NPFFR2: variants seen among roughly 807,000 people sequenced by gnomAD.
The protein encoded by NPFFR2 is neuropeptide FF receptor 2, also known as G-protein coupled receptor 74.
A neutral mutation model predicts 13.1 loss-of-function variants in NPFFR2; 15 were observed. The observed-to-expected ratio is 1.15, with a 90% CI of 0.77 to 1.76. The LOEUF (loss-of-function observed/expected upper bound fraction) is 1.76. NPFFR2 is among the 40% of genes most tolerant of loss of function. The pLI is 0.00. For missense variants in NPFFR2, 572 were observed against 503.5 expected (o/e 1.14, Z -1.30); for synonymous variants, 190 against 175.7 (o/e 1.08, Z -0.65).
chr4:72,085,822 G>C (rs1323620060), intron 1 of NPFFR2, among the ~76,000 whole-genome samples: 1 of 152,010 alleles, frequency 6.6e-6, no homozygotes, highest in Non-Finnish European at 1.5e-5. Flanking sequence ...TGAAACTAAT[G>C]GTTAAAAATT....
At chr4:72,113,240 A>G (rs770986857) in intron 1 of NPFFR2, among the ~76,000 whole-genome samples, 1 of 152,100 alleles carries the variant, frequency 6.6e-6, no homozygotes, top group Non-Finnish European at 1.5e-5. Context: ...ACAGCAAAGA[A>G]TAGTAGAATT....
intron 1 of NPFFR2, among the ~76,000 whole-genome samples, chr4:72,066,857 G>C (rs1299876363): frequency 6.6e-6 from 1 of 152,138 alleles, no homozygotes; most frequent in African/African-American, 2.4e-5. Flanking sequence ...TGCCCTCACA[G>C]ATTGAAATTG....
chr4:72,059,659 T>A (rs972514300), intron 1 of NPFFR2, among the ~76,000 whole-genome samples: 1 of 152,084 alleles, frequency 6.6e-6, no homozygotes, highest in Admixed American at 6.6e-5. Flanking sequence ...CCCTTCGTAT[T>A]CTTATAGTAT....
At chr4:72,101,444 T>C (rs190559514) in intron 1 of NPFFR2, among the ~76,000 whole-genome samples, 1 of 151,676 alleles carries the variant, frequency 6.6e-6, no homozygotes, top group East Asian at 1.9e-4. Flanking sequence ...GAATTGGACA[T>C]AGGTACATTA....
intron 1 of NPFFR2, among the ~76,000 whole-genome samples, chr4:72,116,024 A>T (rs1354615018): frequency 6.6e-6 from 1 of 152,172 alleles, no homozygotes; most frequent in Non-Finnish European, 1.5e-5. Flanking sequence ...TTACACATTG[A>T]TTTATACATT....
At chr4:72,094,962 G>A (rs972569185) in intron 1 of NPFFR2, among the ~76,000 whole-genome samples, 7 of 152,252 alleles carry the variant, frequency 4.6e-5, no homozygotes, top group Admixed American at 3.9e-4. Context: ...CCGTTTTCCA[G>A]AACTGTATTT....
intron 1 of NPFFR2, among the ~76,000 whole-genome samples, chr4:72,059,854 C>T (rs576651027): frequency 5.2e-4 from 79 of 152,180 alleles, no homozygotes; most frequent in African/African-American, 1.5e-3. Context: ...CGTAAGTCTC[C>T]GCTATAACTT....
chr4:72,039,317 C>G, intron 1 of NPFFR2: 1 of 646,030 alleles, frequency 1.5e-6, no homozygotes, highest in Non-Finnish European at 1.9e-6. Context: ...CTCGGCCTCC[C>G]AAAGTGCTGG....
intron 1 of NPFFR2, among the ~76,000 whole-genome samples, chr4:72,042,690 C>G (rs1319901127): frequency 1.3e-5 from 2 of 152,130 alleles, no homozygotes; most frequent in East Asian, 3.9e-4. Flanking sequence ...TGCCCCTTTC[C>G]TAGAGATCTG....
chr4:72,128,579 A>G lies in NPFFR2; in HGVS notation c.-7-6A>G, dbSNP rs10004420. ...TGTTTTTCTTTTCTGTCTCTTCTTT[A>G]TTAAGGTTCATCATGAATGAGAAAT... On this transcript the variant is annotated splice_region_variant and splice_polypyrimidine_tract_variant and intron_variant, in intron 1 of 3. Transcript: ENST00000308744. 0.019 allele frequency: 29,026 copies of G among 1,565,276 alleles called. 2,183 individuals carry two copies. In the African/African-American group the frequency reaches 0.23, roughly 13 times the overall value.
At chr4:72,072,332 C>T (rs1720280931) in intron 1 of NPFFR2, among the ~76,000 whole-genome samples, 1 of 150,946 alleles carries the variant, frequency 6.6e-6, no homozygotes, top group Non-Finnish European at 1.5e-5. Flanking sequence ...GCCAAGAAGT[C>T]AATGTATGAA....
chr4:72,071,589 T>C (rs1454616315), intron 1 of NPFFR2, among the ~76,000 whole-genome samples: 1 of 152,150 alleles, frequency 6.6e-6, no homozygotes, highest in Non-Finnish European at 1.5e-5. Flanking sequence ...TCAGTAAATT[T>C]CAACTCTTGG....
chr4:72,121,641 T>C (rs914900082), intron 1 of NPFFR2, among the ~76,000 whole-genome samples: 1 of 151,986 alleles, frequency 6.6e-6, no homozygotes, highest in Non-Finnish European at 1.5e-5. Flanking sequence ...ATTTCATATC[T>C]AGCCAAACTA....
intron 1 of NPFFR2, among the ~76,000 whole-genome samples, chr4:72,054,539 TAA>T (rs1238670844): frequency 1.3e-5 from 2 of 151,794 alleles, no homozygotes; most frequent in African/African-American, 4.8e-5. Flanking sequence ...ATAAAAATCA[TAA>T]GAGAAAATTT....
rs34615197 is a variant in NPFFR2 at position 72,086,248 on chromosome 4, TA to T, written c.-7-42330del. The stretch of plus-strand genomic sequence containing the variant: ...ATAGTCTGTGAACTAGCGAAGTCCA[TA>T]AAAAAAGGTTTAGATCCTTGTTGTT... On this transcript the variant is annotated intron_variant, in intron 1 of 3. Coordinates refer to ENST00000308744, the MANE Select transcript of NPFFR2 (RefSeq NM_004885.3). 2.0e-5 allele frequency among the ~76,000 whole-genome samples: 3 copies of T among 152,126 alleles called. No homozygotes were observed. The South Asian group carries it at 6.2e-4, about 32-fold the overall frequency.
Position 72,128,805 on chromosome 4 carries a change from A to G in NPFFR2, c.214A>G (p.Arg72Gly). The G allele has an allele frequency of 6.2e-7, 1 of 1,614,058 alleles. No individual in the cohort carries two copies. The highest frequency in any genetic ancestry group is 8.5e-7 in the Non-Finnish European group (1 of 1,179,924). Residue 72 changes from arginine (R) to glycine (G), a missense_variant, in exon 2 of 4, where the codon AGG (arginine) becomes GGG (glycine). Coordinates refer to ENST00000308744, the MANE Select transcript of NPFFR2 (RefSeq NM_004885.3). ...GNTVVCFIVM[R>G]NKHMHTVTNL... Reference sequence around the variant, plus strand: ...TACTGTGGTTTGCTTTATTGTAATGAGGAACAAACATATGCACACAGTCAC... The same window carrying G: ...TACTGTGGTTTGCTTTATTGTAATGGGGAACAAACATATGCACACAGTCAC...
intron 1 of NPFFR2, among the ~76,000 whole-genome samples, chr4:72,101,767 A>C (rs576854404): frequency 6.6e-6 from 1 of 152,198 alleles, no homozygotes; most frequent in Non-Finnish European, 1.5e-5. Context: ...ATATGTGAAA[A>C]ATAATCAGCT....
At chr4:72,118,325 C>T (rs1211604934) in intron 1 of NPFFR2, among the ~76,000 whole-genome samples, 2 of 152,184 alleles carry the variant, frequency 1.3e-5, no homozygotes, top group African/African-American at 2.4e-5. Flanking sequence ...CTGAGTCTGA[C>T]ATATGGTAAG....
At chr4:72,041,360 G>A (rs1482606285) in intron 1 of NPFFR2, among the ~76,000 whole-genome samples, 1 of 152,146 alleles carries the variant, frequency 6.6e-6, no homozygotes, top group South Asian at 2.1e-4. Context: ...AGTATTACAT[G>A]GTGTATATGT....
Sources: allele counts gnomAD v4.1 joint callset (sites outside exome capture counted in the v4.1 genomes callset), GRCh38; gene constraint gnomAD v4.1.1; transcripts MANE v1.5; gene names NCBI Gene and HGNC (gene_info 2026-07-23, HGNC 2026-07-21).